The following BBS9 variants were observed in gnomAD, a reference collection of about 807,000 sequenced individuals.
BBS9 encodes the protein Bardet-Biedl syndrome 9.
BBS9 carries 89 observed loss-of-function variants against 117.7 expected under a neutral mutation model. That is an observed-to-expected ratio of 0.76 (90% CI 0.64 to 0.90). The LOEUF (loss-of-function observed/expected upper bound fraction) is 0.90. Ranked by LOEUF, BBS9 falls within the 40% of genes least tolerant of loss-of-function variation. The pLI is 0.00. For synonymous variants in BBS9, 379 were observed against 370.9 expected (o/e 1.02, Z -0.25); for missense variants, 982 against 1,042.2 (o/e 0.94, Z 0.80).
intron 17 of BBS9, among the ~76,000 whole-genome samples, chr7:33,373,137 A>G (rs1320281293): frequency 6.6e-6 from 1 of 152,038 alleles, no homozygotes; most frequent in Admixed American, 6.6e-5. Context: ...ATGAATGAGA[A>G]AGTACACGCA....
At chr7:33,308,021 C>T (rs1223156899) in intron 9 of BBS9, among the ~76,000 whole-genome samples, 1 of 152,130 alleles carries the variant, frequency 6.6e-6, no homozygotes, top group East Asian at 1.9e-4. Flanking sequence ...TGAAGTGACA[C>T]GTGCTCATTG....
In BBS9 at chr7:33,322,960, T is replaced by G. The variant is rs575790206; in HGVS notation, c.1017-13481T>G. On this transcript the variant is annotated intron_variant, in intron 9 of 22. Coordinates refer to ENST00000242067, the MANE Select transcript of BBS9 (RefSeq NM_198428.3). ...TCCATTATCGTTTATTTCAAGAAAATTTTCAATTTCCTTTTAACTTCTTCA... is the reference window on the plus strand; with the variant it reads ...TCCATTATCGTTTATTTCAAGAAAAGTTTCAATTTCCTTTTAACTTCTTCA... Among the ~76,000 whole-genome samples, 196 of 152,286 alleles carry G rather than the reference T, an allele frequency of 1.3e-3. 1 individual carries two copies. The highest frequency in any genetic ancestry group is 2.5e-3 in the Non-Finnish European group (173 of 67,996).
chr7:33,603,509 T>C (rs1298153459), intron 21 of BBS9, among the ~76,000 whole-genome samples: 1 of 152,172 alleles, frequency 6.6e-6, no homozygotes. Flanking sequence ...TCAGTTTTCT[T>C]ATAAAATGAG....
At chr7:33,187,608 A>C (rs1783334130) in intron 5 of BBS9, among the ~76,000 whole-genome samples, 1 of 152,204 alleles carries the variant, frequency 6.6e-6, no homozygotes, top group South Asian at 2.1e-4. Context: ...GTTTTCTTGG[A>C]ATAGACAGAT....
chr7:33,401,789 A>G (rs2128792418), intron 19 of BBS9, among the ~76,000 whole-genome samples: 1 of 152,334 alleles, frequency 6.6e-6, no homozygotes, highest in African/African-American at 2.4e-5. Flanking sequence ...TCTGTCTAGA[A>G]AAAAGGCCTG....
intron 19 of BBS9, among the ~76,000 whole-genome samples, chr7:33,494,719 TG>T (rs1844481279): frequency 6.6e-6 from 1 of 152,216 alleles, no homozygotes; most frequent in Non-Finnish European, 1.5e-5. Context: ...AAACATTCAT[TG>T]AATGCCTGCT....
At chr7:33,305,530 C>T (rs1037888750) in intron 9 of BBS9, among the ~76,000 whole-genome samples, 2 of 152,124 alleles carry the variant, frequency 1.3e-5, no homozygotes. Context: ...GTAAAGTCAT[C>T]GTGTCCCAGG....
At chr7:33,516,198 G>A (rs1847751869) in intron 20 of BBS9, among the ~76,000 whole-genome samples, 2 of 151,964 alleles carry the variant, frequency 1.3e-5, no homozygotes, top group Non-Finnish European at 2.9e-5. Context: ...TCCTATAATT[G>A]ATGGAACATA....
intron 5 of BBS9, among the ~76,000 whole-genome samples, chr7:33,181,452 A>G (rs1035072516): frequency 3.3e-5 from 5 of 152,174 alleles, no homozygotes; most frequent in African/African-American, 7.2e-5. Context: ...CAGAAAGCCA[A>G]TTTTCACCTT....
intron 20 of BBS9, among the ~76,000 whole-genome samples, chr7:33,506,413 G>T (rs1433238645): frequency 6.6e-6 from 1 of 152,102 alleles, no homozygotes; most frequent in Non-Finnish European, 1.5e-5. Context: ...TTAAAACCTA[G>T]ATTTGAGAAC....
intron 4 of BBS9, among the ~76,000 whole-genome samples, chr7:33,165,189 G>A (rs778911024): frequency 2.0e-5 from 3 of 152,146 alleles, no homozygotes; most frequent in South Asian, 2.1e-4. Flanking sequence ...AGTTTCTGCC[G>A]AGAGATCCGC....
intron 5 of BBS9, among the ~76,000 whole-genome samples, chr7:33,234,880 A>G (rs1184341330): frequency 5.3e-5 from 8 of 152,094 alleles, no homozygotes; most frequent in African/African-American, 1.7e-4. Context: ...ATTTTTTTCA[A>G]CATTCATTGT....
intron 5 of BBS9, among the ~76,000 whole-genome samples, chr7:33,193,541 G>C (rs1784494974): frequency 6.6e-6 from 1 of 151,604 alleles, no homozygotes; most frequent in African/African-American, 2.4e-5. Context: ...CTTTTTTATG[G>C]TGCTGGTGAA....
intron 21 of BBS9, among the ~76,000 whole-genome samples, chr7:33,630,511 T>C (rs558423397): frequency 2.0e-5 from 3 of 152,284 alleles, no homozygotes; most frequent in African/African-American, 7.2e-5. Flanking sequence ...CTGCGTCCGT[T>C]AAGGATCAAA....
At position 33,357,599 on chromosome 7, in the gene BBS9, A is replaced by G; in HGVS notation, c.1553-256A>G. On this transcript the variant is annotated intron_variant, in intron 15 of 22. Coordinates refer to ENST00000242067, the MANE Select transcript of BBS9 (RefSeq NM_198428.3). Reference sequence around the variant, plus strand: ...TATAGTATCCAAATGTGATGATTTTAAAAATATGATACTATTAAAGACAGA... The same window carrying G: ...TATAGTATCCAAATGTGATGATTTTGAAAATATGATACTATTAAAGACAGA... The G allele has an allele frequency of 1.2e-5, 6 of 507,670 alleles. No individual in the cohort carries two copies. In the South Asian group the frequency reaches 1.2e-4, roughly 10 times the overall value. 31.4% of individuals were successfully genotyped at this position (507,670 alleles called of 1,614,324 possible). A position where few individuals can be genotyped will look rare whatever the true frequency, so the allele number is the denominator to read the frequency against.
At chr7:33,285,539 T>C (rs17170166) in intron 9 of BBS9, among the ~76,000 whole-genome samples, 4,010 of 152,236 alleles carry the variant, frequency 0.026, 163 homozygotes, top group African/African-American at 0.09. Context: ...TTTTTGATGG[T>C]CATCGTTACA....
chr7:33,340,661 C>A (rs1348752396), intron 10 of BBS9, among the ~76,000 whole-genome samples: 1 of 152,144 alleles, frequency 6.6e-6, no homozygotes. Context: ...TAATGCTGGT[C>A]AGTCAATGGC....
intron 8 of BBS9, 27 bp from the exon 9 acceptor site, chr7:33,273,800 T>C: frequency 6.3e-7 from 1 of 1,599,100 alleles, no homozygotes; most frequent in Non-Finnish European, 8.6e-7. Flanking sequence ...TTTCTTAGTG[T>C]CTCTTTTCTG....
At chr7:33,141,063 A>C (rs1193780840) in intron 1 of BBS9, among the ~76,000 whole-genome samples, 1 of 152,186 alleles carries the variant, frequency 6.6e-6, no homozygotes, top group African/African-American at 2.4e-5. Flanking sequence ...GATCAAAACC[A>C]TCAAATTTGT....
Sources: allele counts gnomAD v4.1 joint callset (sites outside exome capture counted in the v4.1 genomes callset), GRCh38; gene constraint gnomAD v4.1.1; transcripts MANE v1.5; gene names NCBI Gene and HGNC (gene_info 2026-07-23, HGNC 2026-07-21).